The following SLCO3A1 variants were observed in gnomAD, a reference collection of about 807,000 sequenced individuals.
The protein encoded by SLCO3A1 is solute carrier organic anion transporter family member 3A1.
In SLCO3A1, 27 loss-of-function variants were observed where a neutral mutation model predicts 63.1. That is an observed-to-expected ratio of 0.43 (90% CI 0.32 to 0.59). The LOEUF is 0.59. SLCO3A1 is among the 20% of genes least tolerant of loss of function. The probability of loss-of-function intolerance (pLI) is 0.09; values close to 1 mark genes in which losing one functional copy is unlikely to be tolerated. For missense variants in SLCO3A1, 773 were observed against 945.8 expected (o/e 0.82, Z 2.40); for synonymous variants, 473 against 409.9 (o/e 1.15, Z -1.86).
intron 2 of SLCO3A1, among the ~76,000 whole-genome samples, chr15:91,995,605 T>C (rs1380632932): frequency 2.0e-5 from 3 of 152,006 alleles, no homozygotes; most frequent in Non-Finnish European, 4.4e-5. Context: ...AAGTCCCTAG[T>C]GGGGAGAGCA....
At chr15:91,903,431 G>A (rs1015346541) in intron 1 of SLCO3A1, among the ~76,000 whole-genome samples, 5 of 152,178 alleles carry the variant, frequency 3.3e-5, no homozygotes, top group African/African-American at 1.2e-4. Context: ...CTTGTTTCGG[G>A]CACTTCAGGA....
At position 92,157,424 on chromosome 15, in the gene SLCO3A1, G is replaced by C. The variant is rs529727761; in HGVS notation, c.1754-5332G>C. ...CAGAGAGGACACTAAAGTACACCTG[G>C]CCCCCCCCCTTGTCCTCCCTTCTGG... On this transcript the variant is annotated intron_variant, in intron 9 of 9. Coordinates refer to ENST00000318445, the MANE Select transcript of SLCO3A1 (RefSeq NM_013272.4). 7.2e-3 allele frequency among the ~76,000 whole-genome samples: 1,082 copies of C among 149,526 alleles called. 20 individuals carry two copies. Among genetic ancestry groups the C allele is most frequent in the African/African-American group, 0.024 (951 of 40,394 alleles).
intron 2 of SLCO3A1, among the ~76,000 whole-genome samples, chr15:92,088,570 C>T (rs759504976): frequency 3.3e-4 from 50 of 152,260 alleles, no homozygotes; most frequent in South Asian, 6.2e-4. Flanking sequence ...GGTCAGACAT[C>T]CATATTGGGT....
chr15:92,027,772 A>G (rs2046594228), intron 2 of SLCO3A1, among the ~76,000 whole-genome samples: 4 of 152,230 alleles, frequency 2.6e-5, no homozygotes, highest in Admixed American at 2.6e-4. Flanking sequence ...GGCTGGAGGA[A>G]TAGATCATGA....
chr15:91,921,544 T>C (rs573445402), intron 2 of SLCO3A1, among the ~76,000 whole-genome samples: 3 of 152,246 alleles, frequency 2.0e-5, no homozygotes, highest in East Asian at 1.9e-4. Context: ...ATTGATGATA[T>C]AGTTTTTTTT....
At chr15:91,919,253 C>A (rs1376789455) in intron 2 of SLCO3A1, among the ~76,000 whole-genome samples, 1 of 152,246 alleles carries the variant, frequency 6.6e-6, no homozygotes, top group Non-Finnish European at 1.5e-5. Flanking sequence ...GACTTACTTG[C>A]TTTGGCCTCT....
At chr15:92,071,326 G>C (rs2047213431) in intron 2 of SLCO3A1, among the ~76,000 whole-genome samples, 3 of 152,312 alleles carry the variant, frequency 2.0e-5, no homozygotes, top group African/African-American at 7.2e-5. Context: ...CAAGCATTCA[G>C]AGAGCACACC....
intron 2 of SLCO3A1, among the ~76,000 whole-genome samples, chr15:91,918,249 A>C (rs1468345242): frequency 6.6e-6 from 1 of 152,224 alleles, no homozygotes; most frequent in Non-Finnish European, 1.5e-5. Flanking sequence ...CATTTGAGGC[A>C]GAAGGCCTTC....
chr15:92,092,917 G>C (rs1262628656), intron 2 of SLCO3A1, among the ~76,000 whole-genome samples: 2 of 152,164 alleles, frequency 1.3e-5, no homozygotes, highest in Admixed American at 6.5e-5. Flanking sequence ...AGATTCTACA[G>C]TTTCTGGTTG....
chr15:91,922,658 T>G (rs1276827869), intron 2 of SLCO3A1, among the ~76,000 whole-genome samples: 1 of 152,244 alleles, frequency 6.6e-6, no homozygotes, highest in Non-Finnish European at 1.5e-5. Context: ...TCAAATATAC[T>G]GTGACTGAAG....
intron 1 of SLCO3A1, among the ~76,000 whole-genome samples, chr15:91,873,531 TACACACACACACACACAC>T (rs71912147): frequency 6.8e-6 from 1 of 146,668 alleles, no homozygotes; most frequent in African/African-American, 2.5e-5. Flanking sequence ...GCTACATTCA[TACACACACACACACACAC>T]ACACACACAC....
rs1461675614 is a variant in SLCO3A1, at chr15:92,164,105, T to C, written c.*970T>C. ...ATAATCCTCTAATACTATTTTTAAC[T>C]ACTTCTAAAATCTGTGTTAACCCTT... On this transcript the variant is annotated 3_prime_UTR_variant, in exon 10 of 10. Coordinates refer to ENST00000318445, the MANE Select transcript of SLCO3A1 (RefSeq NM_013272.4). 51 of 978,478 alleles carry C rather than the reference T, an allele frequency of 5.2e-5. No individual in the cohort carries two copies. The highest frequency in any genetic ancestry group is 6.1e-5 in the Non-Finnish European group (50 of 823,704). 60.6% of individuals were successfully genotyped at this position (978,478 alleles called of 1,614,324 possible).
chr15:92,072,345 C>T (rs768095598), intron 2 of SLCO3A1, among the ~76,000 whole-genome samples: 3 of 151,520 alleles, frequency 2.0e-5, no homozygotes, highest in East Asian at 3.9e-4. Context: ...GTTGTCGGCT[C>T]ATTATAACCA....
At chr15:91,867,138 C>T (rs377199939) in intron 1 of SLCO3A1, among the ~76,000 whole-genome samples, 13 of 152,300 alleles carry the variant, frequency 8.5e-5, no homozygotes, top group Non-Finnish European at 7.4e-5. Flanking sequence ...CGGAGGCTGT[C>T]GGCATCTCTC....
At position 91,916,132 on chromosome 15, in the gene SLCO3A1, G is replaced by T. The variant is rs761312118; in HGVS notation, c.320G>T (p.Arg107Leu). Residue 107 changes from arginine to leucine, a missense_variant, in exon 2 of 10, where the codon CGC (arginine) becomes CTC (leucine). Arg to Leu is a moderately radical substitution (Grantham distance 102, BLOSUM62 -2). Transcript: ENST00000318445. This position sits in a 1 kb window ranked among gnomAD's most constrained non-coding sequence, Gnocchi z 6.2. ...TTCGGGGCACGCGGGCACCGGCCGCGCCTGATCGGCTGCGGCGGCATCGTC... is the reference window on the plus strand; with the variant it reads ...TTCGGGGCACGCGGGCACCGGCCGCTCCTGATCGGCTGCGGCGGCATCGTC... ...SYFGARGHRPRLIGCGGIVMA... is the reference protein window; with the variant it reads ...SYFGARGHRPLLIGCGGIVMA... The T allele has an allele frequency of 6.2e-7, 1 of 1,609,998 alleles. No homozygotes were observed. The highest frequency in any genetic ancestry group is 8.5e-7 in the Non-Finnish European group (1 of 1,179,238).
At chr15:92,051,680 G>A (rs561873987) in intron 2 of SLCO3A1, among the ~76,000 whole-genome samples, 9 of 152,222 alleles carry the variant, frequency 5.9e-5, no homozygotes, top group South Asian at 2.1e-4. Context: ...GAACAGCTAC[G>A]TGACCGTCTT....
chr15:91,949,889 T>C lies in SLCO3A1; in HGVS notation c.646+33431T>C, dbSNP rs1306619391. ...GAGCGTGGTGCTGCACACCTGTGTT[T>C]CCAGCTACTCGGGAGGCTGAGGCAG... On this transcript the variant is annotated intron_variant, in intron 2 of 9. Transcript: ENST00000318445. Among the ~76,000 whole-genome samples the C allele has an allele frequency of 3.3e-5, 5 of 151,802 alleles. No individual in the cohort carries two copies. The East Asian group carries it at 9.8e-4, about 30-fold the overall frequency.
intron 9 of SLCO3A1, among the ~76,000 whole-genome samples, chr15:92,159,229 G>A (rs1484966933): frequency 6.6e-6 from 1 of 152,206 alleles, no homozygotes; most frequent in Non-Finnish European, 1.5e-5. Context: ...GCTCACGCCT[G>A]TAATCCCAGC....
At chr15:92,040,563 C>A (rs544108298) in intron 2 of SLCO3A1, among the ~76,000 whole-genome samples, 2 of 152,138 alleles carry the variant, frequency 1.3e-5, no homozygotes, top group Non-Finnish European at 2.9e-5. Context: ...TAAATCCATC[C>A]ACATTCCAAG....
Sources: allele counts gnomAD v4.1 joint callset (sites outside exome capture counted in the v4.1 genomes callset), GRCh38; gene constraint gnomAD v4.1.1; non-coding constraint Gnocchi (gnomAD v3.1); transcripts MANE v1.5; gene names NCBI Gene and HGNC (gene_info 2026-07-23, HGNC 2026-07-21).